The following LRP1 variants were observed in gnomAD, a reference collection of about 807,000 sequenced individuals.
LRP1 encodes the protein prolow-density lipoprotein receptor-related protein 1.
Under a neutral mutation model 541.5 loss-of-function variants are expected in LRP1, and 51 were observed. That is an observed-to-expected ratio of 0.09 (90% CI 0.08 to 0.12). LRP1 has a LOEUF of 0.12. Ranked by LOEUF, LRP1 falls within the 10% of genes least tolerant of loss-of-function variation. The pLI, the probability that LRP1 is intolerant of heterozygous loss-of-function variation, is 1.00. For missense variants in LRP1, 3,878 were observed against 6,376.2 expected, an observed-to-expected ratio of 0.61 and a Z score of 13.34; for synonymous variants, 2,219 against 2,470.8, an observed-to-expected ratio of 0.90 and a Z score of 3.02.
rs375726674 is a variant in LRP1 at position 57,180,837 on chromosome 12, G to A, written c.5527+30G>A. On this transcript the variant is annotated intron_variant, in intron 33 of 88. Transcript: ENST00000243077. ...GTGCGAGGCCGGGCGGCCGCTGGGG[G>A]CTCAGGGGCAACAGGGGAGCCGTCC... The A allele has an allele frequency of 2.0e-5, 33 of 1,610,732 alleles. No individual in the cohort carries two copies. In the African/African-American group the frequency reaches 3.7e-4, roughly 18 times the overall value.
chr12:57,136,051 C>T (rs1390504536), intron 1 of LRP1, among the ~76,000 whole-genome samples: 1 of 152,232 alleles, frequency 6.6e-6, no homozygotes, highest in African/African-American at 2.4e-5. Context: ...CATTCCAGCC[C>T]CCCTCTTCCC....
chr12:57,198,414 G>A (rs770527208), intron 59 of LRP1, 51 bp from the exon 60 acceptor site: 8 of 1,605,944 alleles, frequency 5.0e-6, no homozygotes, highest in Non-Finnish European at 6.0e-6. Context: ...GCAGGCCACT[G>A]GTGCGATGGG....
intron 20 of LRP1, among the ~76,000 whole-genome samples, chr12:57,169,840 C>T (rs753288939): frequency 2.0e-5 from 3 of 152,218 alleles, no homozygotes; most frequent in Non-Finnish European, 4.4e-5. Flanking sequence ...GGCCCAGCCT[C>T]GGGGGCGGTG....
Position 57,195,085 on chromosome 12 carries a change from C to T in LRP1, c.8292C>T (p.Asp2764=), listed in dbSNP as rs200835075. 2.9e-5 allele frequency: 47 copies of T among 1,613,488 alleles called. No homozygotes were observed. Among genetic ancestry groups the T allele is most frequent in the Middle Eastern group, 3.3e-4 (2 of 6,084 alleles). Residue 2764 remains aspartate (D), a synonymous_variant, in exon 51 of 89, where the codon GAC becomes GAT. Transcript: ENST00000243077. ...GCGATGACTGTGGGGATGGCTCAGA[C>T]GAGGCTGCTCACTGTGGTAAGGAAG... The part of the protein sequence containing the change: ...DGSDDCGDGS[D]EAAHCEGKTC...
At position 57,185,145 on chromosome 12, in the gene LRP1, C is replaced by T. The variant is rs1555185557; in HGVS notation, c.6403C>T (p.Arg2135Ter). 6.2e-7 allele frequency: 1 copy of T among 1,614,118 alleles called. No individual in the cohort carries two copies. Among genetic ancestry groups the T allele is most frequent in the Non-Finnish European group, 8.5e-7 (1 of 1,180,012 alleles). Residue 2135 changes from arginine to a stop codon, truncating the protein, a stop_gained, in exon 40 of 89, where the codon CGA (arginine) becomes TGA (stop). Coordinates refer to ENST00000243077, the MANE Select transcript of LRP1 (RefSeq NM_002332.3). LOFTEE classifies it high-confidence loss of function. This position sits in a 1 kb window ranked among gnomAD's most constrained non-coding sequence, Gnocchi z 4.9. ...CAATGCCACAGACTCCGTGCCCCTG[C>T]GAACCGGCATCGGCGTCCAGCTTAA... ...KDNATDSVPL[R>*]TGIGVQLKDI...
At position 57,212,463 on chromosome 12, in the gene LRP1, C is replaced by T. The variant is rs777208086; in HGVS notation, c.13543C>T (p.His4515Tyr). ...GTATGCCACACTCTACATGGGGGGCCATGGCAGTCGCCACTCCCTGGCCAG... is the reference window on the plus strand; with the variant it reads ...GTATGCCACACTCTACATGGGGGGCTATGGCAGTCGCCACTCCCTGGCCAG... ...PVYATLYMGG[H>Y]GSRHSLASTD... is the part of the protein sequence containing the mutation. The change falls in exon 89 of 89, where the codon CAT (histidine) becomes TAT (tyrosine). Residue 4515 changes from histidine to tyrosine, a missense_variant. By Grantham distance (83) the His-to-Tyr change is moderately conservative. This residue lies in a region of LRP1 where 871 missense variants were observed against 1,212.4 expected (regional missense o/e 0.72). Coordinates refer to ENST00000243077, the MANE Select transcript of LRP1 (RefSeq NM_002332.3). This position sits in a 1 kb window ranked among gnomAD's most constrained non-coding sequence, Gnocchi z 5.0. The T allele has an allele frequency of 6.2e-7, 1 of 1,614,148 alleles. No homozygotes were observed. The highest frequency in any genetic ancestry group is 8.5e-7 in the Non-Finnish European group (1 of 1,180,024).
intron 24 of LRP1, 94 bp from the exon 25 acceptor site, chr12:57,176,947 G>A: frequency 4.7e-6 from 5 of 1,057,116 alleles, no homozygotes; most frequent in Non-Finnish European, 5.8e-6. Context: ...AAGTGCCAGG[G>A]TTGAGGGTGG....
At chr12:57,133,573 C>T (rs2035084274) in intron 1 of LRP1, among the ~76,000 whole-genome samples, 1 of 151,958 alleles carries the variant, frequency 6.6e-6, no homozygotes, top group Non-Finnish European at 1.5e-5. Context: ...TGCTGCCCCA[C>T]CCCCATAAGG....
Position 57,205,333 on chromosome 12 carries a change from ACT to A in LRP1, c.11336-13_11336-12del, listed in dbSNP as rs2036750448. The A allele has an allele frequency of 1.3e-6, 2 of 1,591,388 alleles. No homozygotes were observed. The highest frequency in any genetic ancestry group is 1.1e-5 in the South Asian group (1 of 89,100). On this transcript the variant is annotated splice_polypyrimidine_tract_variant and intron_variant, in intron 73 of 88. Coordinates refer to ENST00000243077, the MANE Select transcript of LRP1 (RefSeq NM_002332.3). This position sits in a 1 kb window ranked among gnomAD's most constrained non-coding sequence, Gnocchi z 4.6. ...TGGGGTGGCTCAAGGGAGGGCATCC[ACT>A]CTCTGTCCCCCACAGACCCCAAGCT...
At chr12:57,200,147 C>T in intron 62 of LRP1, 122 bp downstream of exon 62, 2 of 835,632 alleles carry the variant, frequency 2.4e-6, no homozygotes, top group Non-Finnish European at 3.7e-6. Flanking sequence ...CACTAACACC[C>T]CCACATTTCT....
chr12:57,210,901 C>T, intron 83 of LRP1, 22 bp downstream of exon 83: 1 of 1,600,848 alleles, frequency 6.2e-7, no homozygotes, highest in Non-Finnish European at 8.5e-7. Context: ...ATCCCTGGGC[C>T]CCAGGGCATG....
Position 57,199,323 on chromosome 12 carries a change from C to T in LRP1, c.9788C>T (p.Thr3263Ile). 1.2e-6 allele frequency: 2 copies of T among 1,613,566 alleles called. No homozygotes were observed. Among genetic ancestry groups the T allele is most frequent in the Non-Finnish European group, 1.7e-6 (2 of 1,179,964 alleles). Residue 3263 changes from threonine to isoleucine, a missense_variant, in exon 61 of 89, where the codon ACC becomes ATC. Coordinates refer to ENST00000243077, the MANE Select transcript of LRP1 (RefSeq NM_002332.3). ...SINRAHKTTG[T>I]NKTLLISTLH... is the part of the protein sequence containing the mutation. ...AACCGAGCCCACAAGACCACGGGCA[C>T]CAACAAAACGCTCCTCATCAGCACG... is the stretch of plus-strand genomic sequence containing the variant.
In LRP1 at chr12:57,183,407, G is replaced by T; in HGVS notation, c.5691G>T (p.Val1897=). The T allele has an allele frequency of 6.2e-7, 1 of 1,614,036 alleles. No individual in the cohort carries two copies. The highest frequency in any genetic ancestry group is 1.3e-5 in the African/African-American group (1 of 75,058). Residue 1897 remains valine (V), a synonymous_variant, in exon 35 of 89, where the codon GTG becomes GTT. Transcript: ENST00000243077. This position sits in a 1 kb window ranked among gnomAD's most constrained non-coding sequence, Gnocchi z 6.1. Reference sequence around the variant, plus strand: ...TAGGTTCCTTTCTCCTGTACTCTGTGCATGAGGGAATCAGGGGAATTCCCC... The same window carrying T: ...TAGGTTCCTTTCTCCTGTACTCTGTTCATGAGGGAATCAGGGGAATTCCCC... The part of the protein sequence containing the change: ...EGVGSFLLYS[V]HEGIRGIPLD...
rs762168970 is a variant in LRP1, at chr12:57,199,862, C to T, written c.9866-15C>T. ...CAGAAAATGTCACCATATTTCACGACGTTTTCTCTGGCAGTGCCCAATCAC... is the reference window on the plus strand; with the variant it reads ...CAGAAAATGTCACCATATTTCACGATGTTTTCTCTGGCAGTGCCCAATCAC... On this transcript the variant is annotated splice_polypyrimidine_tract_variant and intron_variant, in intron 61 of 88. Coordinates refer to ENST00000243077, the MANE Select transcript of LRP1 (RefSeq NM_002332.3). 8.3e-6 allele frequency: 13 copies of T among 1,575,624 alleles called. No homozygotes were observed. Among genetic ancestry groups the T allele is most frequent in the East Asian group, 6.9e-5 (3 of 43,362 alleles).
Position 57,211,728 on chromosome 12 carries a change from G to T in LRP1, c.13194-22G>T. ...TGGCTATGGAGGTTATACCTACTCA[G>T]CCGTGTCCCTCCTTTCTGCAGGTGC... is the stretch of plus-strand genomic sequence containing the variant. On this transcript the variant is annotated intron_variant, in intron 85 of 88. Transcript: ENST00000243077. The surrounding 1 kb of genome is among the most constrained non-coding windows in gnomAD (Gnocchi z 4.3). The T allele has an allele frequency of 1.2e-6, 2 of 1,612,948 alleles. No homozygotes were observed. The highest frequency in any genetic ancestry group is 8.5e-7 in the Non-Finnish European group (1 of 1,179,630).
In LRP1 at chr12:57,128,889, C is replaced by T. The variant is rs1348161348; in HGVS notation, c.-76C>T. The T allele has an allele frequency of 6.7e-6, 9 of 1,353,198 alleles. No individual in the cohort carries two copies. Among genetic ancestry groups the T allele is most frequent in the South Asian group, 1.3e-5 (1 of 74,256 alleles). 83.8% of individuals were successfully genotyped at this position (1,353,198 alleles called of 1,614,324 possible). The stretch of plus-strand genomic sequence containing the variant: ...GGGGGAAAGGAGGAAAAGGGGGACC[C>T]CCCAACTGGGGGGGGTGAAGGAGAG... On this transcript the variant is annotated 5_prime_UTR_variant, in exon 1 of 89. Coordinates refer to ENST00000243077, the MANE Select transcript of LRP1 (RefSeq NM_002332.3).
intron 1 of LRP1, among the ~76,000 whole-genome samples, chr12:57,129,441 G>GGGGGT (rs1388701460): frequency 1.4e-5 from 2 of 147,748 alleles, no homozygotes; most frequent in African/African-American, 5.2e-5. Flanking sequence ...GGGTGGGGGT[G>GGGGGT]GGGGGGGTGG....
chr12:57,194,421 G>A lies in LRP1; in HGVS notation c.7986G>A (p.Arg2662=). 6.5e-7 allele frequency: 1 copy of A among 1,531,278 alleles called. No homozygotes were observed. Among genetic ancestry groups the A allele is most frequent in the South Asian group, 1.3e-5 (1 of 77,734 alleles). The allele number at this position is 1,531,278 out of a possible 1,614,324, so 94.9% of individuals were successfully genotyped here. A position where few individuals can be genotyped will look rare whatever the true frequency, so the allele number is the denominator to read the frequency against. ...VKGVLFQPCE[R]TSLCYAPSWV... is the part of the protein sequence containing the mutation. ...GCGTGCTCTTCCAGCCCTGCGAGCG[G>A]ACCTCACTCTGCTACGCACCCAGCT... Residue 2662 remains arginine, a synonymous_variant, in exon 49 of 89, where the codon CGG becomes CGA. Coordinates refer to ENST00000243077, the MANE Select transcript of LRP1 (RefSeq NM_002332.3).
chr12:57,194,978 G>T lies in LRP1; in HGVS notation c.8192-7G>T. The stretch of plus-strand genomic sequence containing the variant: ...CCCCATCTAACTGTGGCTTCTGACT[G>T]CCCCAGACAAGTTCTGCTCAGAGGC... On this transcript the variant is annotated splice_polypyrimidine_tract_variant and splice_region_variant and intron_variant, in intron 50 of 88. Coordinates refer to ENST00000243077, the MANE Select transcript of LRP1 (RefSeq NM_002332.3). 6.2e-7 allele frequency: 1 copy of T among 1,609,884 alleles called. No homozygotes were observed. The highest frequency in any genetic ancestry group is 8.5e-7 in the Non-Finnish European group (1 of 1,176,356).
Sources: gnomAD v4.1 joint callset for allele counts (sites outside exome capture counted in the v4.1 genomes callset) on GRCh38, gnomAD v4.1.1 for gene constraint, gnomAD v4.1.1 regional missense constraint, Gnocchi (gnomAD v3.1) non-coding constraint, MANE v1.5 for transcripts, NCBI Gene and HGNC (gene_info 2026-07-23, HGNC 2026-07-21) for gene names.